Variants in ANKAR observed in about 807,000 individuals in gnomAD.
ANKAR encodes ankyrin and armadillo repeat-containing protein.
Under a neutral mutation model 146.2 loss-of-function variants are expected in ANKAR, and 136 were observed. The ratio of observed to expected loss-of-function variants is 0.93; its 90% CI spans 0.81 to 1.07. The LOEUF (loss-of-function observed/expected upper bound fraction) is 1.07, where lower values mean the gene tolerates loss of function less well. Ranked by LOEUF, ANKAR falls within the 50% of genes least tolerant of loss-of-function variation. ANKAR has a pLI of 0.00. For synonymous variants in ANKAR, 500 were observed against 575.8 expected, an observed-to-expected ratio of 0.87 and a Z score of 1.88; for missense variants, 1,567 against 1,679.9, an observed-to-expected ratio of 0.93 and a Z score of 1.18.
chr2:189,710,612 C>T (rs997120920), intron 9 of ANKAR, among the ~76,000 whole-genome samples: 1 of 152,088 alleles, frequency 6.6e-6, no homozygotes, highest in East Asian at 1.9e-4. Flanking sequence ...CCAGCCTGGG[C>T]CACATGGCAA....
Position 189,676,625 on chromosome 2 carries a change from GTTACTAACTAC to G in ANKAR, c.137_147del (p.Leu46CysfsTer4), listed in dbSNP as rs1283079649. 1.9e-6 allele frequency: 3 copies of G among 1,613,916 alleles called. No individual in the cohort carries two copies. Among genetic ancestry groups the G allele is most frequent in the Non-Finnish European group, 2.5e-6 (3 of 1,180,008 alleles). On this transcript the variant is annotated frameshift_variant, in exon 2 of 23. Coordinates refer to ENST00000684021, the MANE Select transcript of ANKAR (RefSeq NM_001378068.1). LOFTEE classifies it high-confidence loss of function. ...AATATGATCGGAGTGAAATACAAGA[GTTACTAACTAC>G]TGCACTAGTTAGCTGGTTGTCTGCC... is the stretch of plus-strand genomic sequence containing the variant.
chr2:189,742,853 TTAGAATTACCTGACAC>T, intron 20 of ANKAR, among the ~76,000 whole-genome samples: 1 of 21,824 alleles, frequency 4.6e-5, no homozygotes. Context: ...CACACACACA[TTAGAATTACCTGACAC>T]ACACACACAC....
intron 17 of ANKAR, among the ~76,000 whole-genome samples, chr2:189,736,502 T>TTTTTTTTTGTGTGTGTG (rs1422561376): frequency 7.0e-6 from 1 of 141,986 alleles, no homozygotes; most frequent in African/African-American, 2.6e-5. Flanking sequence ...TGACTGGGTT[T>TTTTTTTTTGTGTGTGTG]TGTGTGTGTG....
chr2:189,726,323 C>CT (rs979582136), intron 12 of ANKAR, among the ~76,000 whole-genome samples: 7 of 151,274 alleles, frequency 4.6e-5, no homozygotes, highest in African/African-American at 1.5e-4. Flanking sequence ...CCTAATGTCA[C>CT]TTTTTTTTTG....
chr2:189,692,543 A>C, intron 4 of ANKAR, 125 bp downstream of exon 4: 11 of 813,106 alleles, frequency 1.4e-5, no homozygotes, highest in Non-Finnish European at 2.0e-5. Flanking sequence ...CTCACAACTC[A>C]ATAATTTTTT....
chr2:189,696,109 G>A, intron 6 of ANKAR, 41 bp from the exon 7 acceptor site: 1 of 1,588,452 alleles, frequency 6.3e-7, no homozygotes, highest in Non-Finnish European at 8.6e-7. Context: ...CCAAACTTTA[G>A]GTGCATTTTG....
chr2:189,762,940 G>C, downstream of ANKAR: 1 of 985,390 alleles, frequency 1.0e-6, no homozygotes, highest in Non-Finnish European at 1.2e-6. Flanking sequence ...CAGGTGATGA[G>C]AGTTCTGTAA....
At chr2:189,706,110 A>G (rs2038908108) in intron 8 of ANKAR, among the ~76,000 whole-genome samples, 2 of 151,952 alleles carry the variant, frequency 1.3e-5, no homozygotes, top group South Asian at 2.1e-4. Context: ...GAGAAGAAAG[A>G]AGAGGCCAGG....
Position 189,706,958 on chromosome 2 carries a change from T to TA in ANKAR, c.1932dup (p.Leu645ThrfsTer20). ...TTTAGGAATCAGTGCACTCCACTGT[T>TA]ACTTGCTGCCACTTCAGGAGCACTG... is the stretch of plus-strand genomic sequence containing the variant. On this transcript the variant is annotated frameshift_variant, in exon 9 of 23. Transcript: ENST00000684021. LOFTEE classifies it high-confidence loss of function. 1 of 1,612,962 alleles carries TA rather than the reference T, an allele frequency of 6.2e-7. No individual in the cohort carries two copies. The highest frequency in any genetic ancestry group is 8.5e-7 in the Non-Finnish European group (1 of 1,179,506).
intron 3 of ANKAR, 147 bp from the exon 4 acceptor site, chr2:189,692,108 A>T (rs2036508086): frequency 1.6e-6 from 1 of 635,476 alleles, no homozygotes; most frequent in African/African-American, 1.9e-5. Context: ...TAACAGCATA[A>T]ATAATTTTAT....
At chr2:189,727,016 T>C (rs932362696) in intron 12 of ANKAR, among the ~76,000 whole-genome samples, 1 of 152,174 alleles carries the variant, frequency 6.6e-6, no homozygotes, top group Admixed American at 6.5e-5. Context: ...GGAAAATGTT[T>C]AGACTCACTA....
At chr2:189,740,784 C>T (rs2043258991) in intron 19 of ANKAR, among the ~76,000 whole-genome samples, 1 of 151,878 alleles carries the variant, frequency 6.6e-6, no homozygotes, top group African/African-American at 2.4e-5. Flanking sequence ...ACCTCTGCCT[C>T]CCAGGTACAA....
In ANKAR at chr2:189,686,606, T is replaced by A. The variant is rs556980408; in HGVS notation, c.602-2921T>A. Among the ~76,000 whole-genome samples, 14 of 152,320 alleles carry A rather than the reference T, an allele frequency of 9.2e-5. No homozygotes were observed. In the South Asian group the frequency reaches 2.9e-3, roughly 32 times the overall value. On this transcript the variant is annotated intron_variant, in intron 2 of 22. Transcript: ENST00000684021. ...AGTACTAGCCTGAAAAAACAAACTA[T>A]GCTTTTGGCCCAAGTGAGAAGCTGA...
In ANKAR at chr2:189,744,990, T is replaced by TCTTCTACTACTACTACTACTACTA. The variant is rs1553536976; in HGVS notation, c.4057+204_4057+205insTCTACTACTACTACTACTACTACT. 1.2e-3 allele frequency among the ~76,000 whole-genome samples: 136 copies of TCTTCTACTACTACTACTACTACTA among 112,404 alleles called. 2 individuals are homozygous for TCTTCTACTACTACTACTACTACTA. The highest frequency in any genetic ancestry group is 5.1e-3 in the African/African-American group (124 of 24,306). The allele number at this position is 112,404 out of a possible 152,430, so 73.7% of individuals were successfully genotyped here. On this transcript the variant is annotated intron_variant, in intron 22 of 22. Coordinates refer to ENST00000684021, the MANE Select transcript of ANKAR (RefSeq NM_001378068.1). ...CTAGCCAATATGGTGAAACCCCATC[T>TCTTCTACTACTACTACTACTACTA]CTACTACTACTACTACTACTACTAC...
At chr2:189,753,020 A>T (rs779729520) in intron 18 of ANKAR, 1 of 1,539,230 alleles carries the variant, frequency 6.5e-7, no homozygotes, top group East Asian at 2.3e-5. Flanking sequence ...TCATATATGG[A>T]TATGAACCAA....
At chr2:189,711,285 A>T in intron 10 of ANKAR, 132 bp downstream of exon 10, 1 of 600,468 alleles carries the variant, frequency 1.7e-6, no homozygotes, top group Non-Finnish European at 2.7e-6. Flanking sequence ...TTTTGCTAAG[A>T]TCACTTCATT....
intron 2 of ANKAR, among the ~76,000 whole-genome samples, chr2:189,678,638 A>C (rs2034150150): frequency 6.6e-6 from 1 of 152,182 alleles, no homozygotes; most frequent in Admixed American, 6.5e-5. Flanking sequence ...ATCCAGTTTC[A>C]TGTGGCTTGC....
intron 12 of ANKAR, among the ~76,000 whole-genome samples, 185 bp downstream of exon 12, chr2:189,720,972 A>T (rs1393027838): frequency 1.3e-5 from 2 of 152,140 alleles, no homozygotes; most frequent in African/African-American, 4.8e-5. Flanking sequence ...AACTATGTAG[A>T]TACAGTTAAA....
At chr2:189,695,191 ATATGAAGTTATGTAT>A (rs2037019880) in intron 6 of ANKAR, 30 bp downstream of exon 6, 1 of 1,516,660 alleles carries the variant, frequency 6.6e-7, no homozygotes, top group African/African-American at 1.4e-5. Flanking sequence ...ATAATTTAGT[ATATGAAGTTATGTAT>A]TATTGATAAG....
Sources: allele counts gnomAD v4.1 joint callset (sites outside exome capture counted in the v4.1 genomes callset), GRCh38; gene constraint gnomAD v4.1.1; transcripts MANE v1.5; gene names NCBI Gene and HGNC (gene_info 2026-07-23, HGNC 2026-07-21).